The following ASIC2 variants were observed in gnomAD, a reference collection of about 807,000 sequenced individuals.
The protein encoded by ASIC2 is acid sensing ion channel subunit 2.
Under a neutral mutation model 57.3 loss-of-function variants are expected in ASIC2, and 25 were observed. That is an observed-to-expected ratio of 0.44 (90% CI 0.32 to 0.61). ASIC2 has a LOEUF of 0.61. Ranked by LOEUF, ASIC2 falls within the 20% of genes least tolerant of loss-of-function variation. The pLI is 0.06. For synonymous variants in ASIC2, 319 were observed against 307.5 expected (o/e 1.04, Z -0.39); for missense variants, 641 against 738.1 (o/e 0.87, Z 1.52).
At chr17:34,065,731 A>G (rs997294431) in intron 1 of ASIC2, among the ~76,000 whole-genome samples, 1 of 152,154 alleles carries the variant, frequency 6.6e-6, no homozygotes, top group African/African-American at 2.4e-5. Flanking sequence ...AGAGGGACGT[A>G]GATGAATAAG....
intron 1 of ASIC2, among the ~76,000 whole-genome samples, chr17:33,399,850 GC>G (rs1910218361): frequency 6.6e-6 from 1 of 152,150 alleles, no homozygotes; most frequent in Non-Finnish European, 1.5e-5. Flanking sequence ...GTTCAGTGTG[GC>G]CACCATTCCA....
At chr17:33,610,054 G>GCGCACA (rs375575593) in intron 1 of ASIC2, among the ~76,000 whole-genome samples, 82 of 144,844 alleles carry the variant, frequency 5.7e-4, no homozygotes, top group Middle Eastern at 3.6e-3. Context: ...GGACAGAGGC[G>GCGCACA]CACACACACA....
chr17:33,360,961 G>A (rs1908580150), intron 1 of ASIC2, among the ~76,000 whole-genome samples: 2 of 152,156 alleles, frequency 1.3e-5, no homozygotes, highest in African/African-American at 4.8e-5. Flanking sequence ...CCCATCAGAA[G>A]AACAGTGAGC....
rs150737955 is a variant in ASIC2 at position 34,027,628 on chromosome 17, C to T, written c.555+128350G>A. On this transcript the variant is annotated intron_variant, in intron 1 of 9. Coordinates refer to the ASIC2 transcript ENST00000359872. The stretch of plus-strand genomic sequence containing the variant: ...CTGCTAGTTCCCTTAGGACTGAGGC[C>T]GAGCCTGATTTCTGCTTAAAGGGGA... Among the ~76,000 whole-genome samples, 9 of 152,236 alleles carry T rather than the reference C, an allele frequency of 5.9e-5. No homozygotes were observed. The East Asian group carries it at 1.3e-3, about 23-fold the overall frequency.
chr17:33,351,859 G>A (rs1272128609), intron 1 of ASIC2, among the ~76,000 whole-genome samples: 1 of 152,122 alleles, frequency 6.6e-6, no homozygotes, highest in African/African-American at 2.4e-5. Context: ...TGGAGTGCTG[G>A]GGGATGAGGA....
chr17:34,026,962 T>C (rs1367468060), intron 1 of ASIC2, among the ~76,000 whole-genome samples: 1 of 152,196 alleles, frequency 6.6e-6, no homozygotes, highest in Admixed American at 6.5e-5. Flanking sequence ...AGTAGATAGT[T>C]GTAAAAAGAA....
chr17:33,573,093 C>T (rs1040431401), intron 1 of ASIC2, among the ~76,000 whole-genome samples: 19 of 152,152 alleles, frequency 1.2e-4, no homozygotes, highest in African/African-American at 3.9e-4. Context: ...TTCAGAGGGG[C>T]CACAATGTCA....
chr17:33,307,104 A>G (rs1378730676), intron 1 of ASIC2, among the ~76,000 whole-genome samples: 7 of 152,046 alleles, frequency 4.6e-5, no homozygotes, highest in Non-Finnish European at 7.4e-5. Flanking sequence ...TACCCTACAA[A>G]CGCTTTGCCT....
Position 33,902,044 on chromosome 17 carries a change from C to T in ASIC2, c.555+253934G>A, listed in dbSNP as rs1915242167. Among the ~76,000 whole-genome samples the T allele has an allele frequency of 1.3e-5, 2 of 152,124 alleles. 1 individual carries two copies. Among genetic ancestry groups the T allele is most frequent in the South Asian group, 4.1e-4 (2 of 4,828 alleles). On this transcript the variant is annotated intron_variant, in intron 1 of 9. Transcript: ENST00000359872. ...TGTCCCAGACTCTCTTGTACCTAGA[C>T]ATCTGGCTGTGAGCAAGGTTCTCTC...
At chr17:33,102,102 T>C (rs1334551452) in intron 2 of ASIC2, among the ~76,000 whole-genome samples, 1 of 152,144 alleles carries the variant, frequency 6.6e-6, no homozygotes, top group Non-Finnish European at 1.5e-5. Flanking sequence ...CATCAGGAAA[T>C]TCTCTTAGGC....
intron 1 of ASIC2, among the ~76,000 whole-genome samples, chr17:33,205,117 T>C (rs1038402405): frequency 2.0e-5 from 3 of 152,234 alleles, no homozygotes; most frequent in Admixed American, 2.0e-4. Context: ...TCTCTAAACC[T>C]TGCTCTGTGG....
intron 1 of ASIC2, among the ~76,000 whole-genome samples, chr17:33,396,016 C>A (rs1323874824): frequency 6.6e-6 from 1 of 152,108 alleles, no homozygotes; most frequent in East Asian, 1.9e-4. Context: ...TTGGAAGAAC[C>A]GTCAGACTCT....
At chr17:33,798,384 G>A (rs1294741365) in intron 1 of ASIC2, among the ~76,000 whole-genome samples, 1 of 152,190 alleles carries the variant, frequency 6.6e-6, no homozygotes, top group East Asian at 1.9e-4. Flanking sequence ...CCCAAAGTGA[G>A]GAGGTGTCAG....
At chr17:33,454,143 A>T (rs549987968) in intron 1 of ASIC2, among the ~76,000 whole-genome samples, 1 of 152,304 alleles carries the variant, frequency 6.6e-6, no homozygotes, top group East Asian at 1.9e-4. Flanking sequence ...TCATGGTGAC[A>T]TTTCTTTTAC....
chr17:33,665,355 G>C (rs533971583), intron 1 of ASIC2, among the ~76,000 whole-genome samples: 4 of 152,202 alleles, frequency 2.6e-5, no homozygotes, highest in African/African-American at 9.6e-5. Context: ...CAATGGCACC[G>C]TGATGTAAAG....
chr17:33,026,072 G>GCC, intron 4 of ASIC2, 90 bp from the exon 5 acceptor site: 1 of 1,448,728 alleles, frequency 6.9e-7, no homozygotes, highest in Non-Finnish European at 9.5e-7. Context: ...GGAAAGGGGT[G>GCC]CCTCCTGGCA....
chr17:33,269,858 C>T (rs1904414390), intron 1 of ASIC2, among the ~76,000 whole-genome samples: 1 of 152,090 alleles, frequency 6.6e-6, no homozygotes, highest in South Asian at 2.1e-4. Flanking sequence ...TAGATCACCT[C>T]ATTGCTTAAA....
At chr17:34,143,388 G>C (rs1912325710) in intron 1 of ASIC2, among the ~76,000 whole-genome samples, 1 of 152,188 alleles carries the variant, frequency 6.6e-6, no homozygotes, top group Non-Finnish European at 1.5e-5. Flanking sequence ...ATGGTGTTGG[G>C]AGGTGGTCCC....
intron 1 of ASIC2, among the ~76,000 whole-genome samples, chr17:33,531,345 G>T (rs1915045019): frequency 6.6e-6 from 1 of 152,156 alleles, no homozygotes; most frequent in South Asian, 2.1e-4. Context: ...AATCTGAGCT[G>T]CCTTTATCTG....
Sources: gnomAD v4.1 joint callset for allele counts (sites outside exome capture counted in the v4.1 genomes callset) on GRCh38, gnomAD v4.1.1 for gene constraint, MANE v1.5 for transcripts, NCBI Gene and HGNC (gene_info 2026-07-23, HGNC 2026-07-21) for gene names.